ACMSD: variants seen among roughly 807,000 people sequenced by gnomAD.
ACMSD encodes 2-amino-3-carboxymuconate-6-semialdehyde decarboxylase.
In ACMSD, 37 loss-of-function variants were observed where a neutral mutation model predicts 45.9. The ratio of observed to expected loss-of-function variants is 0.81; its 90% CI spans 0.62 to 1.06. ACMSD has a LOEUF of 1.06. Ranked by LOEUF, ACMSD falls within the 50% of genes least tolerant of loss-of-function variation. The probability of loss-of-function intolerance (pLI) is 0.00; values close to 1 mark genes in which losing one functional copy is unlikely to be tolerated. For missense variants in ACMSD, 434 were observed against 420.9 expected (o/e 1.03, Z -0.27); for synonymous variants, 138 against 148.8 (o/e 0.93, Z 0.53).
intron 3 of ACMSD, 62 bp downstream of exon 3, chr2:134,859,419 T>G: frequency 1.3e-6 from 2 of 1,519,284 alleles, no homozygotes; most frequent in Non-Finnish European, 1.8e-6. Context: ...GCCCTTAAAG[T>G]TTGCTGACAA....
intron 9 of ACMSD, among the ~76,000 whole-genome samples, chr2:134,900,596 T>C (rs906039698): frequency 6.6e-6 from 1 of 152,208 alleles, no homozygotes; most frequent in African/African-American, 2.4e-5. Flanking sequence ...GCTAAGATCT[T>C]ACTTTGTAAG....
intron 3 of ACMSD, among the ~76,000 whole-genome samples, chr2:134,860,532 T>G (rs1038667036): frequency 1.3e-5 from 2 of 152,138 alleles, no homozygotes; most frequent in African/African-American, 4.8e-5. Flanking sequence ...AAGAGCAGTT[T>G]AGCACTACCA....
chr2:134,849,571 T>C (rs1427440267), intron 2 of ACMSD, among the ~76,000 whole-genome samples: 1 of 152,224 alleles, frequency 6.6e-6, no homozygotes, highest in Non-Finnish European at 1.5e-5. Flanking sequence ...CCCCCAGGAT[T>C]GACTTACCCT....
At chr2:134,899,351 C>A (rs1690364885) in intron 9 of ACMSD, among the ~76,000 whole-genome samples, 1 of 152,086 alleles carries the variant, frequency 6.6e-6, no homozygotes, top group African/African-American at 2.4e-5. Context: ...AAACCTTAGA[C>A]TATTTTATAC....
At chr2:134,897,034 T>A (rs193251566) in intron 8 of ACMSD, among the ~76,000 whole-genome samples, 158 of 152,136 alleles carry the variant, frequency 1.0e-3, no homozygotes, top group African/African-American at 3.5e-3. Flanking sequence ...ATGAAAAAAA[T>A]TTTTTTAAAC....
At chr2:134,841,695 A>G (rs1686815299) in intron 1 of ACMSD, among the ~76,000 whole-genome samples, 1 of 152,188 alleles carries the variant, frequency 6.6e-6, no homozygotes, top group South Asian at 2.1e-4. Flanking sequence ...AGGATGATAC[A>G]GTTTCAGCTT....
intron 8 of ACMSD, among the ~76,000 whole-genome samples, chr2:134,886,232 TC>T (rs1397305215): frequency 7.0e-6 from 1 of 142,220 alleles, no homozygotes; most frequent in African/African-American, 2.7e-5. Context: ...CATTACCCAT[TC>T]ATTATTATTA....
Position 134,898,350 on chromosome 2 carries a change from A to AT in ACMSD, c.863dup (p.Leu288PhefsTer11). The AT allele has an allele frequency of 6.3e-7, 1 of 1,585,514 alleles. No individual in the cohort carries two copies. The highest frequency in any genetic ancestry group is 8.6e-7 in the Non-Finnish European group (1 of 1,168,730). ...ATATTTTGTTTTTTAGGATAAAGTC[A>AT]TTTTGGGAACCGATTACCCCTTTCC... On this transcript the variant is annotated frameshift_variant, in exon 9 of 10. Coordinates refer to ENST00000356140, the MANE Select transcript of ACMSD (RefSeq NM_138326.3). LOFTEE classifies it high-confidence loss of function.
chr2:134,884,926 T>G (rs146369647), intron 8 of ACMSD, among the ~76,000 whole-genome samples: 171 of 152,064 alleles, frequency 1.1e-3, no homozygotes, highest in African/African-American at 3.8e-3. Flanking sequence ...CCAGGCACAG[T>G]GGCTCAAGCC....
intron 5 of ACMSD, among the ~76,000 whole-genome samples, chr2:134,867,048 C>A (rs960729704): frequency 6.6e-6 from 1 of 152,238 alleles, no homozygotes; most frequent in African/African-American, 2.4e-5. Context: ...CCAGCCCCAG[C>A]CCAGCACTGA....
intron 1 of ACMSD, among the ~76,000 whole-genome samples, chr2:134,840,180 A>AAAAAAACAAAAC (rs1686725649): frequency 7.1e-6 from 1 of 140,042 alleles, no homozygotes; most frequent in Non-Finnish European, 1.5e-5. Context: ...AAAAAAAAAA[A>AAAAAAACAAAAC]AAAAAAAAAA....
chr2:134,861,857 G>C, intron 3 of ACMSD, 112 bp from the exon 4 acceptor site: 1 of 1,104,856 alleles, frequency 9.1e-7, no homozygotes, highest in Non-Finnish European at 1.4e-6. Context: ...CGCAGGGAGG[G>C]AGAGCAGGAG....
At chr2:134,867,736 A>G in intron 6 of ACMSD, 64 bp downstream of exon 6, 1 of 1,350,502 alleles carries the variant, frequency 7.4e-7, no homozygotes. Context: ...TCATCTATGG[A>G]AACCTATTAT....
chr2:134,898,545 T>G, intron 9 of ACMSD, 106 bp downstream of exon 9: 1 of 605,174 alleles, frequency 1.7e-6, no homozygotes, highest in Non-Finnish European at 2.7e-6. Context: ...GAGGAACCAT[T>G]ACACTGAATT....
chr2:134,887,758 A>C (rs1421577506), intron 8 of ACMSD, among the ~76,000 whole-genome samples: 1 of 152,194 alleles, frequency 6.6e-6, no homozygotes, highest in Admixed American at 6.5e-5. Context: ...CACGAAAGCA[A>C]TTACATGGGG....
intron 8 of ACMSD, among the ~76,000 whole-genome samples, chr2:134,881,634 T>C (rs1292123632): frequency 6.6e-6 from 1 of 152,168 alleles, no homozygotes; most frequent in Non-Finnish European, 1.5e-5. Context: ...AAGAAAGATT[T>C]GAATATACCC....
At chr2:134,868,451 C>CTTTTTTTTTTTTTTTTTTT (rs1170969126) in intron 6 of ACMSD, among the ~76,000 whole-genome samples, 1 of 124,206 alleles carries the variant, frequency 8.1e-6, no homozygotes. Flanking sequence ...ATATTTTTTT[C>CTTTTTTTTTTTTTTTTTTT]TTTTTTTTTT....
chr2:134,883,616 C>G (rs1291477663), intron 8 of ACMSD, among the ~76,000 whole-genome samples: 1 of 152,086 alleles, frequency 6.6e-6, no homozygotes, highest in East Asian at 1.9e-4. Context: ...ATCCTCCCAC[C>G]ACAGCCTCCT....
At chr2:134,888,288 T>C (rs1330541544) in intron 8 of ACMSD, among the ~76,000 whole-genome samples, 1 of 152,148 alleles carries the variant, frequency 6.6e-6, no homozygotes, top group Admixed American at 6.5e-5. Context: ...CATCATTAGT[T>C]CATCAGAAAA....
Sources: gnomAD v4.1 joint callset for allele counts (sites outside exome capture counted in the v4.1 genomes callset) on GRCh38, gnomAD v4.1.1 for gene constraint, MANE v1.5 for transcripts, NCBI Gene and HGNC (gene_info 2026-07-23, HGNC 2026-07-21) for gene names.